The following SVEP1 variants were observed in gnomAD, a reference collection of about 807,000 sequenced individuals.
The protein encoded by SVEP1 is sushi, von Willebrand factor type A, EGF and pentraxin domain-containing protein 1.
In SVEP1, 164 loss-of-function variants were observed where a neutral mutation model predicts 367.3. The observed-to-expected ratio is 0.45, with a 90% CI of 0.39 to 0.51. The LOEUF is 0.51. Among genes scored for constraint, SVEP1 ranks in the 20% least tolerant of loss-of-function variants. SVEP1 has a pLI of 0.00. For synonymous variants in SVEP1, 1,666 were observed against 1,611.6 expected (o/e 1.03, Z -0.81); for missense variants, 4,117 against 4,425.3 (o/e 0.93, Z 1.98).
chr9:110,509,456 C>T (rs1448005340), intron 5 of SVEP1, among the ~76,000 whole-genome samples: 1 of 152,184 alleles, frequency 6.6e-6, no homozygotes. Flanking sequence ...TCTCCTTACT[C>T]TGCTTTAAAT....
chr9:110,458,590 G>T (rs372537420), intron 19 of SVEP1, 28 bp from the exon 20 acceptor site: 115 of 1,584,404 alleles, frequency 7.3e-5, no homozygotes, highest in Middle Eastern at 3.3e-4. Context: ...AAACATGTCA[G>T]TGTGGCAAAT....
intron 6 of SVEP1, among the ~76,000 whole-genome samples, chr9:110,499,755 A>T (rs1443929624): frequency 6.6e-6 from 1 of 152,256 alleles, no homozygotes; most frequent in Non-Finnish European, 1.5e-5. Flanking sequence ...AAAGAATAGC[A>T]GATGAATTAG....
At position 110,427,507 on chromosome 9, in the gene SVEP1, G is replaced by A. The variant is rs1378520582; in HGVS notation, c.5975+84C>T. The A allele has an allele frequency of 5.7e-5, 84 of 1,463,066 alleles. 1 individual carries two copies. Among genetic ancestry groups the A allele is most frequent in the South Asian group, 4.1e-4 (29 of 70,520 alleles). The allele number at this position is 1,463,066 out of a possible 1,614,324, so 90.6% of individuals were successfully genotyped here. ...TTTGGCTGCCAGGAAATTAAATTTC[G>A]TGTCCAATGGAGCCCATCTCTGCAG... On this transcript the variant is annotated intron_variant, in intron 36 of 47. Transcript: ENST00000374469.
intron 1 of SVEP1, among the ~76,000 whole-genome samples, chr9:110,564,822 C>T (rs1185314714): frequency 1.6e-5 from 2 of 127,106 alleles, no homozygotes; most frequent in African/African-American, 5.1e-5. Context: ...TTTAAATTAT[C>T]AATCAATGAC....
intron 40 of SVEP1, among the ~76,000 whole-genome samples, chr9:110,400,460 G>A (rs913807455): frequency 2.0e-5 from 3 of 151,686 alleles, no homozygotes; most frequent in African/African-American, 7.3e-5. Flanking sequence ...TATGCCTCAC[G>A]GGTTCAAGCG....
chr9:110,377,455 A>G (rs1827366105), intron 44 of SVEP1, 89 bp from the exon 45 acceptor site: 2 of 1,194,884 alleles, frequency 1.7e-6, no homozygotes, highest in African/African-American at 1.5e-5. Flanking sequence ...ATCTCATACT[A>G]TTTCCTTGAG....
chr9:110,534,378 A>G (rs1830055880), intron 3 of SVEP1, among the ~76,000 whole-genome samples: 1 of 152,200 alleles, frequency 6.6e-6, no homozygotes, highest in Admixed American at 6.6e-5. Flanking sequence ...TCATGGCTGC[A>G]TAGTATTCCA....
intron 43 of SVEP1, among the ~76,000 whole-genome samples, chr9:110,384,372 A>G (rs72762693): frequency 0.12 from 17,422 of 150,682 alleles, 1,086 homozygotes; most frequent in Admixed American, 0.17. Flanking sequence ...GTCAGTCCCA[A>G]TGAGAGAACC....
intron 9 of SVEP1, among the ~76,000 whole-genome samples, chr9:110,486,732 C>G (rs1269278513): frequency 6.6e-6 from 1 of 151,574 alleles, no homozygotes; most frequent in Non-Finnish European, 1.5e-5. Flanking sequence ...ACTGCAACCT[C>G]CGTCTCCCGG....
chr9:110,443,594 C>T lies in SVEP1; in HGVS notation c.4590G>A (p.Gly1530=), dbSNP rs1828546642. ...ANGIWKVYID[G]KLSDGGAGLS... ...GGCCAGCACCACCGTCAGATAATTT[C>T]CCATCGATATAGACTTTCCAGATGC... Residue 1530 remains glycine, a synonymous_variant, in exon 27 of 48, where the codon GGG becomes GGA. Transcript: ENST00000374469. The T allele has an allele frequency of 6.2e-7, 1 of 1,612,702 alleles. No individual in the cohort carries two copies. Among genetic ancestry groups the T allele is most frequent in the Non-Finnish European group, 8.5e-7 (1 of 1,179,370 alleles).
chr9:110,520,093 T>A (rs1018246976), intron 3 of SVEP1, among the ~76,000 whole-genome samples: 4 of 152,194 alleles, frequency 2.6e-5, no homozygotes, highest in African/African-American at 9.7e-5. Context: ...CAAAATCTTT[T>A]AAATAATCAA....
intron 40 of SVEP1, among the ~76,000 whole-genome samples, chr9:110,392,176 G>A (rs1279990131): frequency 8.2e-6 from 1 of 122,352 alleles, no homozygotes; most frequent in Non-Finnish European, 1.7e-5. Context: ...CTCTCCTATT[G>A]GTTCTCTTTC....
chr9:110,507,680 G>T (rs374134406), intron 5 of SVEP1, among the ~76,000 whole-genome samples: 5 of 152,208 alleles, frequency 3.3e-5, no homozygotes, highest in Admixed American at 1.3e-4. Flanking sequence ...TCTTTATTGT[G>T]TCTATCAAGT....
chr9:110,436,541 T>C, intron 27 of SVEP1, 37 bp from the exon 28 acceptor site: 1 of 1,597,484 alleles, frequency 6.3e-7, no homozygotes, highest in South Asian at 1.1e-5. Flanking sequence ...GGAGGAAAAC[T>C]GGCCTGATGG....
At chr9:110,384,391 TCA>T (rs1827488792) in intron 43 of SVEP1, among the ~76,000 whole-genome samples, 2 of 151,786 alleles carry the variant, frequency 1.3e-5, no homozygotes, top group African/African-American at 4.8e-5. Flanking sequence ...CCTGGATACC[TCA>T]GTTGCCGGTG....
chr9:110,427,857 A>C, intron 35 of SVEP1, 99 bp from the exon 36 acceptor site: 4 of 1,384,358 alleles, frequency 2.9e-6, no homozygotes, highest in Non-Finnish European at 3.9e-6. Context: ...ACATTTGAGG[A>C]ATTTGAGTAC....
Position 110,411,223 on chromosome 9 carries a change from C to G in SVEP1, c.6488G>C (p.Ser2163Thr). Residue 2163 changes from serine (S) to threonine (T), a missense_variant, in exon 37 of 48, where the codon AGT becomes ACT. Transcript: ENST00000374469. Reference protein sequence around the residue: ...MNGYASGSNYSFGAMVAYSCN... With the variant: ...MNGYASGSNYTFGAMVAYSCN... ...GCTGTAAGCCACCATGGCTCCAAAACTGTAGTTTGATCCACTTGCATAGCC... is the reference window on the plus strand; with the variant it reads ...GCTGTAAGCCACCATGGCTCCAAAAGTGTAGTTTGATCCACTTGCATAGCC... 2 of 1,614,040 alleles carry G rather than the reference C, an allele frequency of 1.2e-6. No individual in the cohort carries two copies. Among genetic ancestry groups the G allele is most frequent in the Non-Finnish European group, 1.7e-6 (2 of 1,179,892 alleles).
At chr9:110,505,599 TTC>T (rs1258329078) in intron 5 of SVEP1, among the ~76,000 whole-genome samples, 1 of 152,012 alleles carries the variant, frequency 6.6e-6, no homozygotes, top group African/African-American at 2.4e-5. Context: ...TCCCAGATCA[TTC>T]TCTCTCCTTC....
intron 44 of SVEP1, 39 bp from the exon 45 acceptor site, chr9:110,377,405 T>A: frequency 6.3e-7 from 1 of 1,583,646 alleles, no homozygotes; most frequent in Non-Finnish European, 8.7e-7. Context: ...TGTAGGGAAT[T>A]ATGAAGGGAA....
Sources: allele counts gnomAD v4.1 joint callset (sites outside exome capture counted in the v4.1 genomes callset), GRCh38; gene constraint gnomAD v4.1.1; transcripts MANE v1.5; gene names NCBI Gene and HGNC (gene_info 2026-07-23, HGNC 2026-07-21).